The following SAP30BP variants were observed in gnomAD, a reference collection of about 807,000 sequenced individuals.
SAP30BP encodes the protein SAP30 binding protein.
In SAP30BP, 31 loss-of-function variants were observed where a neutral mutation model predicts 46.3. That is an observed-to-expected ratio of 0.67 (90% CI 0.50 to 0.90). The LOEUF (loss-of-function observed/expected upper bound fraction) is 0.90, where lower values mean the gene tolerates loss of function less well. SAP30BP is among the 40% of genes least tolerant of loss of function. The probability of loss-of-function intolerance (pLI) is 0.00; values close to 1 mark genes in which losing one functional copy is unlikely to be tolerated. For synonymous variants in SAP30BP, 169 were observed against 144.2 expected (o/e 1.17, Z -1.23); for missense variants, 312 against 391.0 (o/e 0.80, Z 1.70).
chr17:75,706,865 T>C lies in SAP30BP; in HGVS notation c.*344T>C. ...AATAGTCTTGGTTGGGACTATTGCC[T>C]CAGGGTTGACAACAGGGTGATGGAG... On this transcript the variant is annotated 3_prime_UTR_variant, in exon 11 of 11. Transcript: ENST00000584667. The surrounding 1 kb of genome is among the most constrained non-coding windows in gnomAD (Gnocchi z 4.6). 1 of 289,736 alleles carries C rather than the reference T, an allele frequency of 3.5e-6. No homozygotes were observed. Among genetic ancestry groups the C allele is most frequent in the Non-Finnish European group, 6.6e-6 (1 of 152,518 alleles). The allele number at this position is 289,736 out of a possible 1,614,324, so 17.9% of individuals were successfully genotyped here. A position where few individuals can be genotyped will look rare whatever the true frequency, so the allele number is the denominator to read the frequency against.
At position 75,690,757 on chromosome 17, in the gene SAP30BP, T is replaced by C. The variant is rs566253566; in HGVS notation, c.265-2683T>C. 2.1e-4 allele frequency: 96 copies of C among 456,644 alleles called. 1 individual carries two copies. The highest frequency in any genetic ancestry group is 1.5e-3 in the South Asian group (95 of 64,556). 28.3% of individuals were successfully genotyped at this position (456,644 alleles called of 1,614,324 possible). A position where few individuals can be genotyped will look rare whatever the true frequency, so the allele number is the denominator to read the frequency against. On this transcript the variant is annotated intron_variant, in intron 3 of 10. Transcript: ENST00000584667. Reference sequence around the variant, plus strand: ...GGACTCAGAGGGCAGAAGAATCACATTCTAAACATGATAAGGTATAGCCAG... The same window carrying C: ...GGACTCAGAGGGCAGAAGAATCACACTCTAAACATGATAAGGTATAGCCAG...
rs1164127725 is a variant in SAP30BP at position 75,707,751 on chromosome 17, G to A, written c.*1230G>A. On this transcript the variant is annotated 3_prime_UTR_variant, in exon 11 of 11. Coordinates refer to ENST00000584667, the MANE Select transcript of SAP30BP (RefSeq NM_013260.8). ...GGGCTTTAAAGCTCTGGGGAGAAGA[G>A]CTGCTCCCCACTCATGCCCCAGAGG... 4 of 152,274 alleles carry A rather than the reference G, an allele frequency of 2.6e-5. No individual in the cohort carries two copies. Among genetic ancestry groups the A allele is most frequent in the Non-Finnish European group, 5.9e-5 (4 of 68,058 alleles). The allele number at this position is 152,274 out of a possible 1,614,324, so 9.4% of individuals were successfully genotyped here.
chr17:75,681,030 G>C (rs2060068098), intron 3 of SAP30BP, among the ~76,000 whole-genome samples: 1 of 152,114 alleles, frequency 6.6e-6, no homozygotes, highest in African/African-American at 2.4e-5. Flanking sequence ...CCAAGACCCT[G>C]TCTGAAAAAA....
chr17:75,681,826 G>T (rs1010577589), intron 3 of SAP30BP, among the ~76,000 whole-genome samples: 5 of 152,160 alleles, frequency 3.3e-5, no homozygotes, highest in African/African-American at 9.7e-5. Context: ...TCATAAACAA[G>T]CAGCAAAGGG....
intron 2 of SAP30BP, among the ~76,000 whole-genome samples, chr17:75,670,271 G>A (rs769193750): frequency 9.9e-5 from 15 of 151,808 alleles, no homozygotes; most frequent in African/African-American, 2.9e-4. Context: ...GCAGTGAGCC[G>A]AGATCACGCC....
At chr17:75,703,619 G>A (rs2060448898) in intron 7 of SAP30BP, 189 bp from the exon 8 acceptor site, 25 of 648,452 alleles carry the variant, frequency 3.9e-5, no homozygotes, top group South Asian at 2.9e-4. Flanking sequence ...CCTGGGGTTC[G>A]CTGGATGGGG....
chr17:75,705,566 T>C (rs2060483479), intron 9 of SAP30BP: 9 of 979,852 alleles, frequency 9.2e-6, no homozygotes, highest in Non-Finnish European at 9.8e-6. Context: ...TAACCCTTGA[T>C]TGAATCTCCC....
intron 9 of SAP30BP, chr17:75,705,738 GGGGCGGTGGGCGGGGGGTGCC>G: frequency 8.5e-7 from 1 of 1,175,146 alleles, no homozygotes; most frequent in South Asian, 1.7e-5. Context: ...CATGTGAGGT[GGGGCGGTGGGCGGGGGGTGCC>G]GGGCATGTGC....
At chr17:75,671,704 G>A in intron 2 of SAP30BP, 112 bp from the exon 3 acceptor site, 1 of 782,252 alleles carries the variant, frequency 1.3e-6, no homozygotes, top group Non-Finnish European at 2.3e-6. Flanking sequence ...GATTCTTGGT[G>A]GGATGACCCC....
intron 6 of SAP30BP, chr17:75,703,056 G>A: frequency 1.9e-6 from 1 of 536,588 alleles, no homozygotes; most frequent in Non-Finnish European, 3.4e-6. Context: ...AGTGTGGTAA[G>A]CCCAATCCAG....
At chr17:75,702,994 T>C (rs2060437053) in intron 6 of SAP30BP, 1 of 401,150 alleles carries the variant, frequency 2.5e-6, no homozygotes, top group Non-Finnish European at 4.6e-6. Flanking sequence ...CTCCATTGAA[T>C]GTTCAAGCTA....
Position 75,668,528 on chromosome 17 carries a change from G to T in SAP30BP, c.119G>T (p.Gly40Val). The T allele has an allele frequency of 6.4e-7, 1 of 1,568,072 alleles. No homozygotes were observed. The highest frequency in any genetic ancestry group is 8.6e-7 in the Non-Finnish European group (1 of 1,160,362). Residue 40 changes from glycine (G) to valine (V), a missense_variant, in exon 2 of 11, where the codon GGA becomes GTA. This residue lies in a region of SAP30BP where 296 missense variants were observed against 346.6 expected (regional missense o/e 0.85). Coordinates refer to ENST00000584667, the MANE Select transcript of SAP30BP (RefSeq NM_013260.8). ...AVGSAAEEKG[G>V]LVSDAYGEDD... ...TTTAACCTTTCAGAGGAGAAAGGCG[G>T]ATTGGTATCTGATGCCTATGGGGAG...
Position 75,668,785 on chromosome 17 carries a change from G to C in SAP30BP, c.216+160G>C, listed in dbSNP as rs553545091. 1.0e-3 allele frequency among the ~76,000 whole-genome samples: 152 copies of C among 152,292 alleles called. 2 individuals are homozygous for C. The highest frequency in any genetic ancestry group is 2.0e-3 in the Non-Finnish European group (136 of 68,024). ...AGAAACTGGATTGGATATCAGATCT[G>C]TTTGAAAATGTATTTTCACATGGAT... On this transcript the variant is annotated intron_variant, in intron 2 of 10. Transcript: ENST00000584667.
chr17:75,698,258 G>A (rs1290544564), intron 4 of SAP30BP, among the ~76,000 whole-genome samples: 1 of 152,230 alleles, frequency 6.6e-6, no homozygotes, highest in Non-Finnish European at 1.5e-5. Context: ...ATCAGAATCA[G>A]GCCTTTTGTT....
chr17:75,693,953 G>T (rs1403106588), intron 4 of SAP30BP, among the ~76,000 whole-genome samples: 1 of 152,184 alleles, frequency 6.6e-6, no homozygotes, highest in Non-Finnish European at 1.5e-5. Flanking sequence ...TTTGGGAGGA[G>T]CAGGGACACT....
chr17:75,676,268 G>A (rs1016355805), intron 3 of SAP30BP, among the ~76,000 whole-genome samples: 4 of 152,114 alleles, frequency 2.6e-5, no homozygotes, highest in African/African-American at 9.7e-5. Context: ...ATTTGATATC[G>A]TCAGGCTCTG....
rs149048588 is a variant in SAP30BP, at chr17:75,685,485, C to T, written c.265-7955C>T. 2.5e-3 allele frequency among the ~76,000 whole-genome samples: 382 copies of T among 152,222 alleles called. 1 individual carries two copies. The highest frequency in any genetic ancestry group is 8.9e-3 in the African/African-American group (368 of 41,506). On this transcript the variant is annotated intron_variant, in intron 3 of 10. Transcript: ENST00000584667. Reference sequence around the variant, plus strand: ...AACTCAGTCCCCTTCCTACCGGTGTCGATGATGACCAGTTTGCATTTCTGT... The same window carrying T: ...AACTCAGTCCCCTTCCTACCGGTGTTGATGATGACCAGTTTGCATTTCTGT...
intron 3 of SAP30BP, among the ~76,000 whole-genome samples, chr17:75,685,879 G>A (rs2060148946): frequency 6.6e-6 from 1 of 152,152 alleles, no homozygotes; most frequent in Non-Finnish European, 1.5e-5. Context: ...AGACAAAAAG[G>A]GAATGGCCCT....
chr17:75,672,922 CA>C (rs1341789382), intron 3 of SAP30BP, among the ~76,000 whole-genome samples: 1 of 149,014 alleles, frequency 6.7e-6, no homozygotes, highest in African/African-American at 2.5e-5. Context: ...CATGATCTGC[CA>C]ATGCACTCCA....
Sources: allele counts gnomAD v4.1 joint callset (sites outside exome capture counted in the v4.1 genomes callset), GRCh38; gene constraint gnomAD v4.1.1; regional missense constraint gnomAD v4.1.1; non-coding constraint Gnocchi (gnomAD v3.1); transcripts MANE v1.5; gene names NCBI Gene and HGNC (gene_info 2026-07-23, HGNC 2026-07-21).